ABCC2: variants seen among roughly 807,000 people sequenced by gnomAD.
The protein encoded by ABCC2 is ATP-binding cassette sub-family C member 2.
ABCC2 carries 157 observed loss-of-function variants against 173.4 expected under a neutral mutation model. That is an observed-to-expected ratio of 0.91 (90% confidence interval 0.80 to 1.03). ABCC2 has a LOEUF of 1.03. Ranked by LOEUF, ABCC2 falls within the 50% of genes least tolerant of loss-of-function variation. The probability of loss-of-function intolerance (pLI) is 0.00; values close to 1 mark genes in which losing one functional copy is unlikely to be tolerated. For missense variants in ABCC2, 1,822 were observed against 1,852.3 expected, an observed-to-expected ratio of 0.98 and a Z score of 0.30; for synonymous variants, 657 against 693.5, an observed-to-expected ratio of 0.95 and a Z score of 0.83.
At chr10:99,818,695 A>T in intron 17 of ABCC2, 95 bp from the exon 18 acceptor site, 1 of 1,405,308 alleles carries the variant, frequency 7.1e-7, no homozygotes. Flanking sequence ...TTGACACCTT[A>T]TTGAGACAAA....
At chr10:99,827,456 C>G (rs2038664160) in intron 19 of ABCC2, among the ~76,000 whole-genome samples, 1 of 152,190 alleles carries the variant, frequency 6.6e-6, no homozygotes, top group Non-Finnish European at 1.5e-5. Flanking sequence ...GGGATTTTTT[C>G]CTTGTCTTTT....
chr10:99,814,604 T>TGTGCATATACACATATACACAC (rs1564685525), intron 16 of ABCC2, among the ~76,000 whole-genome samples: 1 of 102,862 alleles, frequency 9.7e-6, no homozygotes, highest in Non-Finnish European at 2.1e-5. Flanking sequence ...TACACACACA[T>TGTGCATATACACATATACACAC]ATGTGTATAT....
intron 19 of ABCC2, among the ~76,000 whole-genome samples, chr10:99,822,694 G>A (rs1224607451): frequency 2.0e-5 from 3 of 151,982 alleles, no homozygotes; most frequent in African/African-American, 7.2e-5. Context: ...TTCTATAAAT[G>A]TTTAAAAAAT....
At position 99,817,625 on chromosome 10, in the gene ABCC2, G is replaced by C; in HGVS notation, c.2271+141G>C. 3.2e-6 allele frequency: 3 copies of C among 949,984 alleles called. No individual in the cohort carries two copies. The South Asian group carries it at 4.4e-5, about 14-fold the overall frequency. 58.8% of individuals were successfully genotyped at this position (949,984 alleles called of 1,614,324 possible). A position where few individuals can be genotyped will look rare whatever the true frequency, so the allele number is the denominator to read the frequency against. On this transcript the variant is annotated intron_variant, in intron 17 of 31. Coordinates refer to ENST00000647814, the MANE Select transcript of ABCC2 (RefSeq NM_000392.5). Reference sequence around the variant, plus strand: ...TTGGAATAAACACCAGAAATCATGTGTTTGTACTAAGTGGCCACAATATTC... The same window carrying C: ...TTGGAATAAACACCAGAAATCATGTCTTTGTACTAAGTGGCCACAATATTC...
chr10:99,811,474 C>T (rs894714933), intron 14 of ABCC2, 62 bp from the exon 15 acceptor site: 27 of 1,529,806 alleles, frequency 1.8e-5, no homozygotes, highest in African/African-American at 2.7e-5. Flanking sequence ...GAGAGAGACA[C>T]GTGAGGGCAG....
intron 16 of ABCC2, 68 bp from the exon 17 acceptor site, chr10:99,817,240 C>A: frequency 1.3e-6 from 2 of 1,482,452 alleles, no homozygotes; most frequent in Non-Finnish European, 1.9e-6. Flanking sequence ...CCTCTCCAGC[C>A]ACCCCGTCCT....
Position 99,793,675 on chromosome 10 carries a change from C to T in ABCC2, c.458C>T (p.Thr153Ile). 1 of 1,614,084 alleles carries T rather than the reference C, an allele frequency of 6.2e-7. No homozygotes were observed. The highest frequency in any genetic ancestry group is 8.5e-7 in the Non-Finnish European group (1 of 1,179,994). ...GTFQFQTLIR[T>I]LLQGDNSNLA... The stretch of plus-strand genomic sequence containing the variant: ...TTCCAATTTCAGACTCTGATCCGGA[C>T]ACTCTTACAGGTAAGGAAAAAAAGA... The change falls in exon 4 of 32, where the codon ACA becomes ATA. Residue 153 changes from threonine to isoleucine, a missense_variant. Coordinates refer to ENST00000647814, the MANE Select transcript of ABCC2 (RefSeq NM_000392.5).
At chr10:99,850,819 T>C (rs2039078544) in intron 31 of ABCC2, 23 bp downstream of exon 31, 1 of 1,613,542 alleles carries the variant, frequency 6.2e-7, no homozygotes, top group Admixed American at 1.7e-5. Flanking sequence ...GGACAGGGCT[T>C]GACACGGATG....
At chr10:99,849,732 T>TG (rs1489894036) in intron 30 of ABCC2, among the ~76,000 whole-genome samples, 1 of 152,222 alleles carries the variant, frequency 6.6e-6, no homozygotes. Context: ...AGGGGAAAAC[T>TG]GGAAGTTCAT....
At chr10:99,794,325 A>G in intron 5 of ABCC2, 88 bp from the exon 6 acceptor site, 1 of 1,215,550 alleles carries the variant, frequency 8.2e-7, no homozygotes, top group Non-Finnish European at 1.2e-6. Context: ...ACAACATTAT[A>G]TCATTAAAAA....
At chr10:99,840,952 C>A (rs2038933379) in intron 25 of ABCC2, among the ~76,000 whole-genome samples, 1 of 152,086 alleles carries the variant, frequency 6.6e-6, no homozygotes, top group African/African-American at 2.4e-5. Context: ...CTCCAGGCAT[C>A]CTGAGGTGTG....
Position 99,836,266 on chromosome 10 carries a change from T to C in ABCC2, c.3590T>C (p.Val1197Ala), listed in dbSNP as rs1209647362. The C allele has an allele frequency of 1.2e-6, 2 of 1,614,146 alleles. No individual in the cohort carries two copies. Among genetic ancestry groups the C allele is most frequent in the South Asian group, 1.1e-5 (1 of 91,084 alleles). The change falls in exon 25 of 32, where the codon GTC (valine) becomes GCC (alanine). Residue 1197 changes from valine (V) to alanine (A), a missense_variant. By Grantham distance (64) the Val-to-Ala change is moderately conservative. Transcript: ENST00000647814. Reference sequence around the variant, plus strand: ...AGGATTGACACCAACCAGAAATGTGTCTTTTCCTGGATCACCTCCAACAGG... The same window carrying C: ...AGGATTGACACCAACCAGAAATGTGCCTTTTCCTGGATCACCTCCAACAGG... Reference protein sequence around the residue: ...EVRIDTNQKCVFSWITSNRWL... With the variant: ...EVRIDTNQKCAFSWITSNRWL...
At chr10:99,825,923 AG>A (rs1443836184) in intron 19 of ABCC2, among the ~76,000 whole-genome samples, 2 of 152,254 alleles carry the variant, frequency 1.3e-5, no homozygotes, top group Non-Finnish European at 2.9e-5. Flanking sequence ...GAAAACCCTG[AG>A]GAACAAATGG....
chr10:99,818,809 G>C lies in ABCC2; in HGVS notation c.2291G>C (p.Gly764Ala). 6.2e-7 allele frequency: 1 copy of C among 1,614,124 alleles called. No homozygotes were observed. Among genetic ancestry groups the C allele is most frequent in the Non-Finnish European group, 8.5e-7 (1 of 1,180,016 alleles). The change falls in exon 18 of 32, where the codon GGT becomes GCT. Residue 764 changes from glycine to alanine, a missense_variant. Coordinates refer to ENST00000647814, the MANE Select transcript of ABCC2 (RefSeq NM_000392.5). ...CTTCAGGGTATAAATCTTAGTGGGGGTCAGAAGCAGCGGATCAGCCTGGCC... is the reference window on the plus strand; with the variant it reads ...CTTCAGGGTATAAATCTTAGTGGGGCTCAGAAGCAGCGGATCAGCCTGGCC... The part of the protein sequence containing the change: ...IGEKGINLSG[G>A]QKQRISLARA...
At chr10:99,821,163 C>T (rs577387503) in intron 19 of ABCC2, among the ~76,000 whole-genome samples, 1 of 152,362 alleles carries the variant, frequency 6.6e-6, no homozygotes, top group Admixed American at 6.5e-5. Flanking sequence ...TATGCATACA[C>T]ATAAACATCT....
intron 19 of ABCC2, among the ~76,000 whole-genome samples, chr10:99,828,510 G>A (rs913098017): frequency 3.3e-5 from 5 of 152,200 alleles, no homozygotes; most frequent in African/African-American, 1.2e-4. Context: ...TAAGGTGTTA[G>A]GCAATAATCT....
At chr10:99,824,670 A>T (rs1417226132) in intron 19 of ABCC2, among the ~76,000 whole-genome samples, 3 of 152,190 alleles carry the variant, frequency 2.0e-5, no homozygotes, top group Non-Finnish European at 4.4e-5. Context: ...AGGGATGGTA[A>T]AAAAGCAATC....
intron 11 of ABCC2, among the ~76,000 whole-genome samples, chr10:99,805,704 A>G (rs1414834422): frequency 2.0e-5 from 3 of 152,162 alleles, no homozygotes; most frequent in African/African-American, 7.2e-5. Context: ...AGAGACTATC[A>G]TGAACCCCTA....
At position 99,795,052 on chromosome 10, in the gene ABCC2, T is replaced by C. The variant is rs145919603; in HGVS notation, c.632+584T>C. 5.3e-5 allele frequency among the ~76,000 whole-genome samples: 8 copies of C among 151,994 alleles called. No individual in the cohort carries two copies. In the South Asian group the frequency reaches 1.2e-3, roughly 24 times the overall value. On this transcript the variant is annotated intron_variant, in intron 6 of 31. Coordinates refer to ENST00000647814, the MANE Select transcript of ABCC2 (RefSeq NM_000392.5). Reference sequence around the variant, plus strand: ...GGCAGTAGGACAGGAAAGGAAAAATTTGGAGGCAGGTTTGGAGGGTAAGGG... The same window carrying C: ...GGCAGTAGGACAGGAAAGGAAAAATCTGGAGGCAGGTTTGGAGGGTAAGGG...
Sources: allele counts gnomAD v4.1 joint callset (sites outside exome capture counted in the v4.1 genomes callset), GRCh38; gene constraint gnomAD v4.1.1; transcripts MANE v1.5; gene names NCBI Gene and HGNC (gene_info 2026-07-23, HGNC 2026-07-21).